The following ZFAT variants were observed in gnomAD, a reference collection of about 807,000 sequenced individuals.
The protein encoded by ZFAT is zinc finger protein ZFAT.
Under a neutral mutation model 117.7 loss-of-function variants are expected in ZFAT, and 64 were observed. The ratio of observed to expected loss-of-function variants is 0.54; its 90% CI spans 0.44 to 0.67. The LOEUF is 0.67. ZFAT is among the 30% of genes least tolerant of loss of function. The pLI, the probability that ZFAT is intolerant of heterozygous loss-of-function variation, is 0.00. For missense variants in ZFAT, 1,433 were observed against 1,584.5 expected, an observed-to-expected ratio of 0.90 and a Z score of 1.62; for synonymous variants, 679 against 615.0, an observed-to-expected ratio of 1.10 and a Z score of -1.54.
chr8:134,717,466 CTT>C (rs746460924), upstream of ZFAT, among the ~76,000 whole-genome samples: 5 of 19,354 alleles, frequency 2.6e-4, no homozygotes, highest in East Asian at 3.0e-3. Flanking sequence ...AATAACAACT[CTT>C]TTTTTTTTTT....
chr8:134,656,772 G>C (rs1351340457), intron 2 of ZFAT, among the ~76,000 whole-genome samples: 1 of 152,198 alleles, frequency 6.6e-6, no homozygotes, highest in Non-Finnish European at 1.5e-5. Flanking sequence ...CCCAGCTGCT[G>C]TCCTTTATCT....
chr8:134,631,255 A>T (rs903091285), intron 3 of ZFAT, among the ~76,000 whole-genome samples: 6 of 152,238 alleles, frequency 3.9e-5, no homozygotes, highest in African/African-American at 7.2e-5. Flanking sequence ...ATTATTACAG[A>T]GTAGAAAATA....
chr8:134,719,151 A>G, the ZFAT span, among the ~76,000 whole-genome samples: 1 of 152,312 alleles, frequency 6.6e-6, no homozygotes, highest in South Asian at 2.1e-4. Context: ...GACTTCACTG[A>G]ACATCCTTTT....
At chr8:134,592,200 G>A (rs143917046) in intron 7 of ZFAT, among the ~76,000 whole-genome samples, 1 of 152,190 alleles carries the variant, frequency 6.6e-6, no homozygotes, top group African/African-American at 2.4e-5. Context: ...TCCACGCCTT[G>A]TGTGATGAAT....
chr8:134,522,534 G>A (rs1460354020), intron 12 of ZFAT, among the ~76,000 whole-genome samples: 2 of 151,960 alleles, frequency 1.3e-5, no homozygotes, highest in African/African-American at 4.8e-5. Flanking sequence ...TTTTCTCTCA[G>A]CCTACCCCTA....
chr8:134,505,258 A>G (rs1819307649), intron 15 of ZFAT, among the ~76,000 whole-genome samples: 1 of 152,210 alleles, frequency 6.6e-6, no homozygotes, highest in African/African-American at 2.4e-5. Flanking sequence ...GAGAACAGTG[A>G]CTGGCTGGTA....
intron 9 of ZFAT, among the ~76,000 whole-genome samples, chr8:134,584,244 G>T (rs1327171586): frequency 1.3e-5 from 2 of 152,122 alleles, no homozygotes; most frequent in East Asian, 3.9e-4. Context: ...GGTATACCAG[G>T]TGCCTCCACC....
intron 2 of ZFAT, among the ~76,000 whole-genome samples, chr8:134,643,306 T>G (rs1297754216): frequency 1.3e-5 from 2 of 152,216 alleles, no homozygotes; most frequent in Non-Finnish European, 2.9e-5. Context: ...AGCAAGTCCT[T>G]TGGACAGTTC....
the ZFAT span, among the ~76,000 whole-genome samples, chr8:134,781,433 C>T: frequency 3.9e-5 from 6 of 152,228 alleles, no homozygotes; most frequent in African/African-American, 1.4e-4. Flanking sequence ...TTTTAATACC[C>T]ATTTTCTTAT....
chr8:134,734,378 T>C, the ZFAT span, among the ~76,000 whole-genome samples: 2 of 152,254 alleles, frequency 1.3e-5, no homozygotes, highest in African/African-American at 4.8e-5. Flanking sequence ...CTTTCATGAA[T>C]GTTGGGGCTC....
intron 1 of ZFAT, chr8:134,696,377 C>G: frequency 1.0e-6 from 1 of 985,626 alleles, no homozygotes; most frequent in Non-Finnish European, 1.2e-6. Context: ...CCTCTGAAAC[C>G]ACCCAGGAAT....
At chr8:134,495,928 T>A (rs1406595752) in intron 15 of ZFAT, among the ~76,000 whole-genome samples, 3 of 151,102 alleles carry the variant, frequency 2.0e-5, no homozygotes, top group Non-Finnish European at 4.4e-5. Context: ...AGACCCTGTC[T>A]CAAAGAAAAA....
At chr8:134,591,453 C>T (rs746091868) in intron 7 of ZFAT, among the ~76,000 whole-genome samples, 1 of 152,322 alleles carries the variant, frequency 6.6e-6, no homozygotes, top group African/African-American at 2.4e-5. Flanking sequence ...CTTTTGCTCA[C>T]CTCCCTTTGC....
chr8:134,609,000 A>G lies in ZFAT; in HGVS notation c.635-121T>C, dbSNP rs368372931. On this transcript the variant is annotated intron_variant, in intron 4 of 15. Transcript: ENST00000377838. ...CTATACTGTCTGATACCCACGCAAG[A>G]TAGTTTTCACTCAGCTCGCACATTT... The G allele has an allele frequency of 2.5e-4, 311 of 1,220,410 alleles. 5 individuals carry two copies. In the East Asian group the frequency reaches 5.8e-3, roughly 23 times the overall value. The allele number at this position is 1,220,410 out of a possible 1,614,324, so 75.6% of individuals were successfully genotyped here. A position where few individuals can be genotyped will look rare whatever the true frequency, so the allele number is the denominator to read the frequency against.
At chr8:134,651,017 G>T (rs1831202720) in intron 2 of ZFAT, among the ~76,000 whole-genome samples, 1 of 152,240 alleles carries the variant, frequency 6.6e-6, no homozygotes, top group South Asian at 2.1e-4. Flanking sequence ...AAACCAAAAT[G>T]TGAAAATTAA....
At chr8:134,527,721 T>A (rs889212397) in intron 12 of ZFAT, among the ~76,000 whole-genome samples, 2 of 152,158 alleles carry the variant, frequency 1.3e-5, no homozygotes, top group African/African-American at 4.8e-5. Flanking sequence ...TCCCACAGGA[T>A]CCTCAAGAAA....
At chr8:134,588,892 C>T (rs376496848) in intron 8 of ZFAT, among the ~76,000 whole-genome samples, 4 of 152,162 alleles carry the variant, frequency 2.6e-5, no homozygotes, top group African/African-American at 9.7e-5. Context: ...TTTGCTTTAC[C>T]GGTAACATGG....
chr8:134,817,664 C>T, the ZFAT span, among the ~76,000 whole-genome samples: 2 of 151,978 alleles, frequency 1.3e-5, no homozygotes, highest in East Asian at 3.8e-4. Flanking sequence ...CCAATCAAAA[C>T]GTCAAGCAAG....
chr8:134,487,532 T>G (rs1817740469), intron 15 of ZFAT, among the ~76,000 whole-genome samples: 1 of 152,206 alleles, frequency 6.6e-6, no homozygotes, highest in Admixed American at 6.5e-5. Context: ...CAGCCTTCTC[T>G]ATAATATTCA....
Sources: gnomAD v4.1 joint callset for allele counts (sites outside exome capture counted in the v4.1 genomes callset) on GRCh38, gnomAD v4.1.1 for gene constraint, MANE v1.5 for transcripts, NCBI Gene and HGNC (gene_info 2026-07-23, HGNC 2026-07-21) for gene names.